S1PR3: variants seen among roughly 807,000 people sequenced by gnomAD.
S1PR3 encodes the protein sphingosine 1-phosphate receptor 3.
Under a neutral mutation model 13.3 loss-of-function variants are expected in S1PR3, and 12 were observed. The ratio of observed to expected loss-of-function variants is 0.90; its 90% CI spans 0.58 to 1.46. S1PR3 has a LOEUF of 1.46. Among genes scored for constraint, S1PR3 ranks in the 40% most tolerant of loss-of-function variants. S1PR3 has a pLI of 0.00. For synonymous variants in S1PR3, 232 were observed against 214.0 expected (o/e 1.08, Z -0.73); for missense variants, 450 against 501.9 (o/e 0.90, Z 0.99).
intron 1 of S1PR3, chr9:88,997,618 C>G (rs1825818726): frequency 6.6e-6 from 1 of 152,228 alleles, no homozygotes; most frequent in Non-Finnish European, 1.5e-5. Flanking sequence ...CCTACGTGAG[C>G]TGGGGAAAAG....
rs1173076732 is a variant in S1PR3, at chr9:89,002,370, T to A, written c.*33T>A. 6.2e-7 allele frequency: 1 copy of A among 1,602,780 alleles called. No individual in the cohort carries two copies. The highest frequency in any genetic ancestry group is 8.5e-7 in the Non-Finnish European group (1 of 1,172,950). On this transcript the variant is annotated 3_prime_UTR_variant, in exon 2 of 2. Coordinates refer to ENST00000358157, the MANE Select transcript of S1PR3 (RefSeq NM_005226.4). ...CATGCGCCCTGCTCTGCGGCTGTGT[T>A]CTTATTTATTGCATGCGTCGCTTCC...
At position 89,002,892 on chromosome 9, in the gene S1PR3, C is replaced by G. The variant is rs1825888237; in HGVS notation, c.*555C>G. 5.8e-6 allele frequency: 1 copy of G among 173,874 alleles called. No homozygotes were observed. The highest frequency in any genetic ancestry group is 2.4e-5 in the African/African-American group (1 of 41,492). The allele number at this position is 173,874 out of a possible 1,614,324, so 10.8% of individuals were successfully genotyped here. Reference sequence around the variant, plus strand: ...CATTGTTTTGAACTAGGTGGACATGCCATCCCTGGTCTCCTTAGACTGACA... The same window carrying G: ...CATTGTTTTGAACTAGGTGGACATGGCATCCCTGGTCTCCTTAGACTGACA... On this transcript the variant is annotated 3_prime_UTR_variant, in exon 2 of 2. Transcript: ENST00000358157.
At chr9:88,991,112 GGT>G (rs1304915608), upstream of S1PR3, 5 of 1,612,934 alleles carry the variant, frequency 3.1e-6, no homozygotes, top group Middle Eastern at 1.7e-4. This position sits in a 1 kb window ranked among gnomAD's most constrained non-coding sequence, Gnocchi z 4.0. Flanking sequence ...CCTCGGACCT[GGT>G]TCCAAGCCTG....
intron 1 of S1PR3, chr9:88,993,556 T>G (rs1014801254): frequency 2.0e-5 from 3 of 152,230 alleles, no homozygotes; most frequent in African/African-American, 4.8e-5. Flanking sequence ...TCCTTTCTTA[T>G]CAGTTTTGGA....
chr9:89,004,396 CT>C lies in S1PR3; in HGVS notation c.*2060del, dbSNP rs1825907699. On this transcript the variant is annotated 3_prime_UTR_variant, in exon 2 of 2. Coordinates refer to ENST00000358157, the MANE Select transcript of S1PR3 (RefSeq NM_005226.4). Reference sequence around the variant, plus strand: ...CCTGGGTGACAGAGCGACCCTCTGTCTCAAAAAATAATAATAATAATAAATA... The same window carrying C: ...CCTGGGTGACAGAGCGACCCTCTGTCCAAAAAATAATAATAATAATAAATA... 1 of 159,004 alleles carries C rather than the reference CT, an allele frequency of 6.3e-6. No individual in the cohort carries two copies. Among genetic ancestry groups the C allele is most frequent in the South Asian group, 2.1e-4 (1 of 4,824 alleles). The allele number at this position is 159,004 out of a possible 1,614,324, so 9.8% of individuals were successfully genotyped here.
At chr9:89,000,628 A>G (rs936815396) in intron 1 of S1PR3, 5 of 155,794 alleles carry the variant, frequency 3.2e-5, no homozygotes, top group Non-Finnish European at 7.1e-5. Context: ...GGTTTTAGAA[A>G]TTGAACCGGC....
Position 89,001,968 on chromosome 9 carries a change from G to T in S1PR3, c.768G>T (p.Trp256Cys), listed in dbSNP as rs1311621323. Residue 256 changes from tryptophan to cysteine, a missense_variant, in exon 2 of 2, where the codon TGG (tryptophan) becomes TGT (cysteine). By Grantham distance (215) the Trp-to-Cys change is radical. Coordinates refer to ENST00000358157, the MANE Select transcript of S1PR3 (RefSeq NM_005226.4). ...VIVVSVFIACWSPLFILFLID... is the reference protein window; with the variant it reads ...VIVVSVFIACCSPLFILFLID... ...TGGTGAGCGTGTTCATCGCCTGCTG[G>T]TCCCCACTCTTCATCCTCTTCCTCA... 20 of 1,614,124 alleles carry T rather than the reference G, an allele frequency of 1.2e-5. No individual in the cohort carries two copies. Among genetic ancestry groups the T allele is most frequent in the Admixed American group, 1.7e-5 (1 of 60,016 alleles).
Position 89,005,025 on chromosome 9 carries a change from T to C in S1PR3, c.*2688T>C, listed in dbSNP as rs1825919405. The C allele has an allele frequency of 6.0e-6, 1 of 166,486 alleles. No homozygotes were observed. The allele number at this position is 166,486 out of a possible 1,614,324, so 10.3% of individuals were successfully genotyped here. A position where few individuals can be genotyped will look rare whatever the true frequency, so the allele number is the denominator to read the frequency against. On this transcript the variant is annotated 3_prime_UTR_variant, in exon 2 of 2. Coordinates refer to ENST00000358157, the MANE Select transcript of S1PR3 (RefSeq NM_005226.4). ...GTGGAAACCCACTCTTCGTAGTCCA[T>C]GTGATGGGATTGTTTTATCGTTTTC...
At chr9:88,990,969 G>C, upstream of S1PR3, 1 of 1,611,254 alleles carries the variant, frequency 6.2e-7, no homozygotes, top group Non-Finnish European at 8.5e-7. Flanking sequence ...GCAAGCCCAA[G>C]CCGGTGCTCG....
rs1161310373 is a variant in S1PR3 at position 89,002,552 on chromosome 9, C to G, written c.*215C>G. ...GTCCACTTTGGGCTCCAGAGTCTTT[C>G]AGATGTACTAAGCTGCTGACATCAT... On this transcript the variant is annotated 3_prime_UTR_variant, in exon 2 of 2. Transcript: ENST00000358157. The G allele has an allele frequency of 1.6e-6, 1 of 617,182 alleles. No homozygotes were observed. The allele number at this position is 617,182 out of a possible 1,614,324, so 38.2% of individuals were successfully genotyped here.
In S1PR3 at chr9:89,001,334, T is replaced by C. The variant is rs775020370; in HGVS notation, c.134T>C (p.Leu45Pro). 1.2e-6 allele frequency: 2 copies of C among 1,614,220 alleles called. No homozygotes were observed. Among genetic ancestry groups the C allele is most frequent in the Admixed American group, 3.3e-5 (2 of 60,026 alleles). ...GAGGGCAGCACGCTCACCACCGTGC[T>C]CTTCTTGGTCATCTGCAGCTTCATC... ...ASEGSTLTTVLFLVICSFIVL... is the reference protein window; with the variant it reads ...ASEGSTLTTVPFLVICSFIVL... The change falls in exon 2 of 2, where the codon CTC (leucine) becomes CCC (proline). Residue 45 changes from leucine to proline, a missense_variant. Coordinates refer to ENST00000358157, the MANE Select transcript of S1PR3 (RefSeq NM_005226.4).
rs201961912 is a variant in S1PR3, at chr9:89,001,238, G to T, written c.38G>T (p.Arg13Leu). ...CTCCCGCCGCGTCTCCAGCCGGTGC[G>T]GGGGAACGAGACCCTGCGGGAGCAT... ...TALPPRLQPVRGNETLREHYQ... is the reference protein window; with the variant it reads ...TALPPRLQPVLGNETLREHYQ... Residue 13 changes from arginine (R) to leucine (L), a missense_variant, in exon 2 of 2, where the codon CGG (arginine) becomes CTG (leucine). By Grantham distance (102) the Arg-to-Leu change is moderately radical. Transcript: ENST00000358157. The T allele has an allele frequency of 9.7e-5, 157 of 1,613,834 alleles. 1 individual carries two copies. Among genetic ancestry groups the T allele is most frequent in the African/African-American group, 6.4e-4 (48 of 75,036 alleles).
Position 88,991,552 on chromosome 9 carries a change from C to T in S1PR3, c.-291C>T. ...CTGCAGGACGCGACCGAGCAGGACC[C>T]CAGGCCCGGGAACGACGTCGCGAGC... On this transcript the variant is annotated 5_prime_UTR_variant, in exon 1 of 2. Coordinates refer to ENST00000358157, the MANE Select transcript of S1PR3 (RefSeq NM_005226.4). The surrounding 1 kb of genome is among the most constrained non-coding windows in gnomAD (Gnocchi z 4.0). The T allele has an allele frequency of 6.5e-7, 1 of 1,546,212 alleles. No homozygotes were observed.
Position 89,002,232 on chromosome 9 carries a change from TAGC to T in S1PR3, c.1036_1038del (p.Ser346del). 6.2e-7 allele frequency: 1 copy of T among 1,613,842 alleles called. No homozygotes were observed. Among genetic ancestry groups the T allele is most frequent in the Non-Finnish European group, 8.5e-7 (1 of 1,179,978 alleles). ...GAAGTAAATCAAGCAGCAGCAACAA[TAGC>T]AGCCACTCTCCGAAGGTCAAGGAAG... On this transcript the variant is annotated inframe_deletion, in exon 2 of 2. Coordinates refer to ENST00000358157, the MANE Select transcript of S1PR3 (RefSeq NM_005226.4).
upstream of S1PR3, chr9:88,991,309 G>A: frequency 6.6e-7 from 1 of 1,509,238 alleles, no homozygotes; most frequent in Non-Finnish European, 8.9e-7. The surrounding 1 kb of genome is among the most constrained non-coding windows in gnomAD (Gnocchi z 4.0). Context: ...CGGCTTGAGC[G>A]GGAGGTGGGG....
At chr9:88,991,108 A>G (rs1411793375), upstream of S1PR3, 1 of 1,612,856 alleles carries the variant, frequency 6.2e-7, no homozygotes, top group Admixed American at 1.7e-5. This position sits in a 1 kb window ranked among gnomAD's most constrained non-coding sequence, Gnocchi z 4.0. Context: ...CAGACCTCGG[A>G]CCTGGTTCCA....
rs769710620 is a variant in S1PR3, at chr9:88,991,977, T to C, written c.-148+282T>C. ...GGAGAAGTTCCATCAGTCGTTTTCC[T>C]TGGACAATTAACAAGTTAGGCTTCC... On this transcript the variant is annotated intron_variant, in intron 1 of 1. Transcript: ENST00000358157. This position sits in a 1 kb window ranked among gnomAD's most constrained non-coding sequence, Gnocchi z 4.0. 5.0e-5 allele frequency: 81 copies of C among 1,614,116 alleles called. No homozygotes were observed. The highest frequency in any genetic ancestry group is 6.4e-5 in the Non-Finnish European group (76 of 1,180,046).
Position 89,001,750 on chromosome 9 carries a change from G to T in S1PR3, c.550G>T (p.Asp184Tyr). 1 of 1,614,196 alleles carries T rather than the reference G, an allele frequency of 6.2e-7. No homozygotes were observed. Among genetic ancestry groups the T allele is most frequent in the South Asian group, 1.1e-5 (1 of 91,080 alleles). ...CTGGAACTGCCTGCACAATCTCCCT[G>T]ACTGCTCTACCATCCTGCCCCTCTA... Reference protein sequence around the residue: ...LGWNCLHNLPDCSTILPLYSK... With the variant: ...LGWNCLHNLPYCSTILPLYSK... The change falls in exon 2 of 2, where the codon GAC (aspartate) becomes TAC (tyrosine). Residue 184 changes from aspartate (D) to tyrosine (Y), a missense_variant. Physicochemically the swap from Asp to Tyr is radical, Grantham distance 160. Transcript: ENST00000358157.
chr9:89,001,668 C>T lies in S1PR3; in HGVS notation c.468C>T (p.Leu156=), dbSNP rs775874091. 8.7e-6 allele frequency: 14 copies of T among 1,614,124 alleles called. No homozygotes were observed. The highest frequency in any genetic ancestry group is 1.7e-5 in the Admixed American group (1 of 60,016). Residue 156 remains leucine (L), a synonymous_variant, in exon 2 of 2, where the codon CTC becomes CTT. Transcript: ENST00000358157. ...YDANKRHRVF[L]LIGMCWLIAF... is the part of the protein sequence containing the mutation. ...CCAACAAGAGGCACCGCGTCTTCCTCCTGATCGGGATGTGCTGGCTCATTG... is the reference window on the plus strand; with the variant it reads ...CCAACAAGAGGCACCGCGTCTTCCTTCTGATCGGGATGTGCTGGCTCATTG...
Sources: allele counts gnomAD v4.1 joint callset, GRCh38; gene constraint gnomAD v4.1.1; non-coding constraint Gnocchi (gnomAD v3.1); transcripts MANE v1.5; gene names NCBI Gene and HGNC (gene_info 2026-07-23, HGNC 2026-07-21).